RAP1GAP2: variants seen among roughly 807,000 people sequenced by gnomAD.
RAP1GAP2 encodes RAP1 GTPase activating protein 2.
In RAP1GAP2, 27 loss-of-function variants were observed where a neutral mutation model predicts 95.0. The observed-to-expected ratio is 0.28, with a 90% CI of 0.21 to 0.39. The LOEUF is 0.39. RAP1GAP2 is among the 10% of genes least tolerant of loss of function. The pLI, the probability that RAP1GAP2 is intolerant of heterozygous loss-of-function variation, is 1.00. For synonymous variants in RAP1GAP2, 373 were observed against 380.9 expected, an observed-to-expected ratio of 0.98 and a Z score of 0.24; for missense variants, 771 against 970.0, an observed-to-expected ratio of 0.79 and a Z score of 2.72.
upstream of RAP1GAP2, among the ~76,000 whole-genome samples, chr17:2,772,531 G>A (rs984484739): frequency 1.3e-5 from 2 of 151,994 alleles, no homozygotes; most frequent in African/African-American, 4.8e-5. Context: ...CTAGGTTCAA[G>A]CCATTCTCCT....
rs1787346601 is a variant in RAP1GAP2, at chr17:3,035,653, A to C, written c.*2292A>C. 6.6e-6 allele frequency: 1 copy of C among 152,288 alleles called. No individual in the cohort carries two copies. Among genetic ancestry groups the C allele is most frequent in the African/African-American group, 2.4e-5 (1 of 41,422 alleles). The allele number at this position is 152,288 out of a possible 1,614,324, so 9.4% of individuals were successfully genotyped here. ...CTCTTCCCTCTGGTCATGCCTCACT[A>C]TCTCTAGGAGCTCCATCCTGTGGCT... On this transcript the variant is annotated 3_prime_UTR_variant, in exon 25 of 25. Transcript: ENST00000254695. The surrounding 1 kb of genome is among the most constrained non-coding windows in gnomAD (Gnocchi z 4.3).
At chr17:2,974,278 G>A (rs539238255) in intron 8 of RAP1GAP2, among the ~76,000 whole-genome samples, 82 of 151,968 alleles carry the variant, frequency 5.4e-4, no homozygotes, top group Non-Finnish European at 1.0e-3. Flanking sequence ...GAACCCAGGA[G>A]GCGGAGCTTG....
chr17:2,769,779 T>C (rs1054253613), intron 1 of RAP1GAP2, among the ~76,000 whole-genome samples: 5 of 151,406 alleles, frequency 3.3e-5, no homozygotes, highest in Non-Finnish European at 7.4e-5. Context: ...TCTAGAAAGC[T>C]TTTCCATCTA....
intron 2 of RAP1GAP2, among the ~76,000 whole-genome samples, chr17:2,822,047 G>A (rs767323249): frequency 6.6e-6 from 1 of 152,148 alleles, no homozygotes; most frequent in Non-Finnish European, 1.5e-5. Flanking sequence ...GCTGGTGTCT[G>A]GGGCAGTGAG....
chr17:2,903,287 G>C lies in RAP1GAP2; in HGVS notation c.81-1997G>C, dbSNP rs2042084349. Among the ~76,000 whole-genome samples, 1 of 152,156 alleles carries C rather than the reference G, an allele frequency of 6.6e-6. No homozygotes were observed. The highest frequency in any genetic ancestry group is 1.5e-5 in the Non-Finnish European group (1 of 68,034). ...GGCTCTTAAAGGCCAGGCCCATTGA[G>C]GAGGAGCTGTGGCTGCTTGGGAGAG... On this transcript the variant is annotated intron_variant, in intron 2 of 24. Coordinates refer to ENST00000254695, the MANE Select transcript of RAP1GAP2 (RefSeq NM_015085.5). The surrounding 1 kb of genome is among the most constrained non-coding windows in gnomAD (Gnocchi z 4.1).
rs1438606217 is a variant in RAP1GAP2 at position 3,027,782 on chromosome 17, ATGGAG to A, written c.2107+713_2107+717del. Reference sequence around the variant, plus strand: ...TAGAGAGCAGGAGCAGAGGGGAGGGATGGAGGGGAGGGGAGAGGAGGGGAGGGGAG... The same window carrying A: ...TAGAGAGCAGGAGCAGAGGGGAGGGAGGGAGGGGAGAGGAGGGGAGGGGAG... On this transcript the variant is annotated intron_variant, in intron 22 of 24. Transcript: ENST00000254695. The surrounding 1 kb of genome is among the most constrained non-coding windows in gnomAD (Gnocchi z 5.2). Among the ~76,000 whole-genome samples the A allele has an allele frequency of 1.3e-3, 15 of 11,956 alleles. No individual in the cohort carries two copies. The highest frequency in any genetic ancestry group is 1.5e-3 in the Non-Finnish European group (9 of 6,194). 7.8% of individuals were successfully genotyped at this position (11,956 alleles called of 152,430 possible). A position where few individuals can be genotyped will look rare whatever the true frequency, so the allele number is the denominator to read the frequency against.
chr17:2,954,633 GC>G (rs1343510523), intron 3 of RAP1GAP2, among the ~76,000 whole-genome samples: 1 of 150,996 alleles, frequency 6.6e-6, no homozygotes, highest in Non-Finnish European at 1.5e-5. Context: ...TTGCTCTGTT[GC>G]CCAGGCTGGA....
intron 8 of RAP1GAP2, among the ~76,000 whole-genome samples, chr17:2,975,444 C>T (rs562291830): frequency 4.5e-4 from 68 of 152,172 alleles, no homozygotes; most frequent in African/African-American, 1.4e-3. Context: ...GTACCATGAA[C>T]GTTGGTATAG....
At chr17:2,826,524 C>T (rs544328746) in intron 2 of RAP1GAP2, among the ~76,000 whole-genome samples, 1 of 151,788 alleles carries the variant, frequency 6.6e-6, no homozygotes, top group African/African-American at 2.4e-5. Context: ...CCGCCTGTCT[C>T]CTTGGTGACT....
chr17:2,810,330 G>C (rs2069710043), intron 2 of RAP1GAP2, among the ~76,000 whole-genome samples: 1 of 151,868 alleles, frequency 6.6e-6, no homozygotes, highest in African/African-American at 2.4e-5. Flanking sequence ...TTGAATCTTA[G>C]GGCTTGAGAT....
chr17:2,979,074 A>C (rs2045244815), intron 8 of RAP1GAP2, among the ~76,000 whole-genome samples: 1 of 152,152 alleles, frequency 6.6e-6, no homozygotes, highest in Non-Finnish European at 1.5e-5. Flanking sequence ...GGAATCAAAA[A>C]ACGGCTCAAC....
intron 2 of RAP1GAP2, among the ~76,000 whole-genome samples, chr17:2,819,952 G>A (rs1276277660): frequency 6.6e-6 from 1 of 151,824 alleles, no homozygotes; most frequent in Non-Finnish European, 1.5e-5. Context: ...GCTTGGTTAA[G>A]TTTTTAAGAA....
At chr17:3,015,934 G>A (rs2046750298) in intron 17 of RAP1GAP2, among the ~76,000 whole-genome samples, 1 of 152,158 alleles carries the variant, frequency 6.6e-6, no homozygotes, top group African/African-American at 2.4e-5. Context: ...GCACAGGTGT[G>A]AATCCAGAGG....
chr17:2,785,899 CTTTTT>C (rs386385450), intron 1 of RAP1GAP2, among the ~76,000 whole-genome samples: 1 of 119,950 alleles, frequency 8.3e-6, no homozygotes, highest in Admixed American at 9.2e-5. Context: ...AAAAGTATGA[CTTTTT>C]TTTTTTTTTT....
intron 4 of RAP1GAP2, among the ~76,000 whole-genome samples, chr17:2,960,306 C>T (rs1489118631): frequency 6.6e-6 from 1 of 151,992 alleles, no homozygotes; most frequent in African/African-American, 2.4e-5. Context: ...ACAGGGATGA[C>T]TAATGCAGGC....
intron 8 of RAP1GAP2, 128 bp from the exon 9 acceptor site, chr17:2,980,158 GT>G (rs977727108): frequency 4.0e-6 from 3 of 756,114 alleles, no homozygotes; most frequent in Admixed American, 2.1e-5. Context: ...GGACAGGCTG[GT>G]CTCGAACTCC....
chr17:2,947,359 T>G lies in RAP1GAP2; in HGVS notation c.166-10400T>G, dbSNP rs551087217. Among the ~76,000 whole-genome samples, 250 of 151,812 alleles carry G rather than the reference T, an allele frequency of 1.6e-3. No individual in the cohort carries two copies. The Middle Eastern group carries it at 0.017, about 10-fold the overall frequency. Reference sequence around the variant, plus strand: ...TGGGCATAGGGTTGGCCATCCAGGGTGAGGGGTGCAGTCTGTGGTCAGAGC... The same window carrying G: ...TGGGCATAGGGTTGGCCATCCAGGGGGAGGGGTGCAGTCTGTGGTCAGAGC... On this transcript the variant is annotated intron_variant, in intron 3 of 24. Coordinates refer to ENST00000254695, the MANE Select transcript of RAP1GAP2 (RefSeq NM_015085.5).
chr17:3,012,586 G>A (rs1159528037), intron 17 of RAP1GAP2, among the ~76,000 whole-genome samples: 1 of 113,438 alleles, frequency 8.8e-6, no homozygotes, highest in East Asian at 2.9e-4. Flanking sequence ...CCACTGCACA[G>A]CAGATCCAGA....
chr17:2,858,256 G>A (rs2072230445), intron 2 of RAP1GAP2, among the ~76,000 whole-genome samples: 1 of 152,178 alleles, frequency 6.6e-6, no homozygotes, highest in Admixed American at 6.6e-5. Flanking sequence ...GAGTTTATGA[G>A]GAGGAAGATA....
Sources: allele counts gnomAD v4.1 joint callset (sites outside exome capture counted in the v4.1 genomes callset), GRCh38; gene constraint gnomAD v4.1.1; non-coding constraint Gnocchi (gnomAD v3.1); transcripts MANE v1.5; gene names NCBI Gene and HGNC (gene_info 2026-07-23, HGNC 2026-07-21).